The following PALM2AKAP2 variants were observed in gnomAD, a reference collection of about 807,000 sequenced individuals.
PALM2AKAP2 encodes PALM2-AKAP2 fusion protein.
Under a neutral mutation model 71.5 loss-of-function variants are expected in PALM2AKAP2, and 37 were observed. That is an observed-to-expected ratio of 0.52 (90% CI 0.40 to 0.68). The LOEUF (loss-of-function observed/expected upper bound fraction) is 0.68, where lower values mean the gene tolerates loss of function less well. PALM2AKAP2 is among the 30% of genes least tolerant of loss of function. The pLI, the probability that PALM2AKAP2 is intolerant of heterozygous loss-of-function variation, is 0.00. For missense variants in PALM2AKAP2, 1,224 were observed against 1,191.8 expected (o/e 1.03, Z -0.40); for synonymous variants, 468 against 478.8 (o/e 0.98, Z 0.29).
chr9:109,810,316 T>C (rs1255312993), intron 1 of PALM2AKAP2, among the ~76,000 whole-genome samples: 1 of 152,102 alleles, frequency 6.6e-6, no homozygotes, highest in Non-Finnish European at 1.5e-5. Flanking sequence ...CTCTGGACTG[T>C]TACAGGAGAT....
At chr9:110,003,506 C>G (rs1289005305) in intron 6 of PALM2AKAP2, among the ~76,000 whole-genome samples, 1 of 152,068 alleles carries the variant, frequency 6.6e-6, no homozygotes, top group Non-Finnish European at 1.5e-5. Flanking sequence ...TGTACATTCT[C>G]TTGATTTAGG....
chr9:110,076,151 C>G (rs1834316110), intron 1 of PALM2AKAP2, among the ~76,000 whole-genome samples: 1 of 152,070 alleles, frequency 6.6e-6, no homozygotes, highest in African/African-American at 2.4e-5. Context: ...ACCCTCTAAT[C>G]TGATAAAGCT....
chr9:109,704,436 A>G (rs1044643037), intron 1 of PALM2AKAP2, among the ~76,000 whole-genome samples: 1 of 152,330 alleles, frequency 6.6e-6, no homozygotes, highest in East Asian at 1.9e-4. Context: ...ATCCAATTAA[A>G]TGGGGAATGG....
chr9:109,977,804 C>T (rs916628425), intron 6 of PALM2AKAP2, among the ~76,000 whole-genome samples: 1 of 152,190 alleles, frequency 6.6e-6, no homozygotes, highest in Admixed American at 6.5e-5. Context: ...TCCTTTCAGG[C>T]AGGCTCCAAA....
intron 1 of PALM2AKAP2, among the ~76,000 whole-genome samples, chr9:109,702,340 C>G (rs1401900887): frequency 2.0e-5 from 3 of 152,296 alleles, no homozygotes; most frequent in Admixed American, 2.0e-4. Flanking sequence ...TTGGAACCAA[C>G]CCAAATGTCC....
At chr9:109,989,151 T>C (rs1832431196) in intron 6 of PALM2AKAP2, among the ~76,000 whole-genome samples, 1 of 152,210 alleles carries the variant, frequency 6.6e-6, no homozygotes, top group African/African-American at 2.4e-5. Flanking sequence ...AAATTCTAGA[T>C]ACTTTGGGAT....
chr9:109,980,322 G>A (rs1428886902), intron 6 of PALM2AKAP2, among the ~76,000 whole-genome samples: 2 of 152,196 alleles, frequency 1.3e-5, no homozygotes, highest in Non-Finnish European at 2.9e-5. Flanking sequence ...TGCCATCGAG[G>A]CTCAGATGAC....
At chr9:109,969,530 T>C (rs1832025110) in intron 6 of PALM2AKAP2, among the ~76,000 whole-genome samples, 1 of 152,212 alleles carries the variant, frequency 6.6e-6, no homozygotes, top group Admixed American at 6.5e-5. Context: ...TCAAACTCAG[T>C]CGTTCACGGG....
intron 2 of PALM2AKAP2, among the ~76,000 whole-genome samples, chr9:110,140,092 C>T (rs1382248997): frequency 6.6e-6 from 1 of 152,218 alleles, no homozygotes; most frequent in African/African-American, 2.4e-5. Flanking sequence ...TAGGGCAATA[C>T]TGTGGTATTC....
intron 2 of PALM2AKAP2, among the ~76,000 whole-genome samples, chr9:109,876,459 CT>C (rs1564191426): frequency 1.3e-5 from 2 of 151,398 alleles, no homozygotes; most frequent in Non-Finnish European, 2.9e-5. Flanking sequence ...ACCAGGCCCA[CT>C]GCCTTTTCCA....
rs557214654 is a variant in PALM2AKAP2 at position 109,756,170 on chromosome 9, ATG to A, written c.6-24316_6-24315del. On this transcript the variant is annotated intron_variant, in intron 1 of 6. Transcript: ENST00000374531. ...TTATATACATACAGATACCAACAGT[ATG>A]TAAGTCTGTTCCTCAAACCTTCACT... Among the ~76,000 whole-genome samples, 273 of 152,304 alleles carry A rather than the reference ATG, an allele frequency of 1.8e-3. 1 individual carries two copies. The highest frequency in any genetic ancestry group is 6.2e-3 in the African/African-American group (256 of 41,582).
intron 6 of PALM2AKAP2, among the ~76,000 whole-genome samples, chr9:109,938,129 G>A (rs12000269): frequency 0.046 from 6,971 of 152,200 alleles, 320 homozygotes; most frequent in East Asian, 0.14. Context: ...CACTGAAAAC[G>A]TAAGTCTTAT....
chr9:109,771,054 A>G (rs1474602038), intron 1 of PALM2AKAP2, among the ~76,000 whole-genome samples: 1 of 152,212 alleles, frequency 6.6e-6, no homozygotes, highest in Non-Finnish European at 1.5e-5. Flanking sequence ...TCCCAACTTA[A>G]GTAGCTTCAT....
At chr9:109,865,595 G>A (rs1482206680) in intron 1 of PALM2AKAP2, among the ~76,000 whole-genome samples, 1 of 152,180 alleles carries the variant, frequency 6.6e-6, no homozygotes, top group East Asian at 1.9e-4. Flanking sequence ...AGGACTTTCT[G>A]ATGGAACAAA....
intron 1 of PALM2AKAP2, among the ~76,000 whole-genome samples, chr9:110,135,164 A>AAAAATATAT: frequency 0.013 from 670 of 51,636 alleles, 82 homozygotes; most frequent in African/African-American, 0.047. Context: ...AAAAAAAAAA[A>AAAAATATAT]ATATATAAAT....
intron 6 of PALM2AKAP2, among the ~76,000 whole-genome samples, chr9:110,001,234 C>T (rs1201145151): frequency 6.6e-6 from 1 of 152,186 alleles, no homozygotes; most frequent in Non-Finnish European, 1.5e-5. Flanking sequence ...CTACATATGG[C>T]TAGCCAGTTT....
Position 109,954,564 on chromosome 9 carries a change from C to T in PALM2AKAP2, c.496+22536C>T, listed in dbSNP as rs529239765. On this transcript the variant is annotated intron_variant, in intron 6 of 9. Coordinates refer to the PALM2AKAP2 transcript ENST00000302798. ...GGGAGATATACCTAATGCTAGATGA[C>T]GCGTTAGTGGGTGCAGCGCACCAGC... 6.3e-4 allele frequency among the ~76,000 whole-genome samples: 93 copies of T among 146,898 alleles called. 1 individual carries two copies. The South Asian group carries it at 9.3e-3, about 15-fold the overall frequency.
chr9:109,777,874 C>G (rs952567059), upstream of PALM2AKAP2, among the ~76,000 whole-genome samples: 3 of 152,156 alleles, frequency 2.0e-5, no homozygotes, highest in African/African-American at 7.2e-5. Flanking sequence ...CTCATCCTGG[C>G]TGTTCTCATT....
At chr9:109,767,892 G>A (rs937686393) in intron 1 of PALM2AKAP2, among the ~76,000 whole-genome samples, 1 of 44,282 alleles carries the variant, frequency 2.3e-5, no homozygotes, top group Non-Finnish European at 3.6e-5. Context: ...TCAAAGCGTG[G>A]GCTAATACAT....
Sources: allele counts gnomAD v4.1 joint callset (sites outside exome capture counted in the v4.1 genomes callset), GRCh38; gene constraint gnomAD v4.1.1; transcripts MANE v1.5; gene names NCBI Gene and HGNC (gene_info 2026-07-23, HGNC 2026-07-21).